ATP13A4: variants seen among roughly 807,000 people sequenced by gnomAD.
The protein encoded by ATP13A4 is probable cation-transporting ATPase 13A4.
In ATP13A4, 114 loss-of-function variants were observed where a neutral mutation model predicts 142.5. The ratio of observed to expected loss-of-function variants is 0.80; its 90% CI spans 0.69 to 0.93. The LOEUF is 0.93. Ranked by LOEUF, ATP13A4 falls within the 40% of genes least tolerant of loss-of-function variation. The pLI, the probability that ATP13A4 is intolerant of heterozygous loss-of-function variation, is 0.00. For missense variants in ATP13A4, 1,392 were observed against 1,454.0 expected (o/e 0.96, Z 0.69); for synonymous variants, 488 against 514.8 (o/e 0.95, Z 0.70).
chr3:193,426,629 G>C (rs1191838672), intron 25 of ATP13A4, among the ~76,000 whole-genome samples: 4 of 151,980 alleles, frequency 2.6e-5, no homozygotes, highest in African/African-American at 9.6e-5. Flanking sequence ...AACCAGTTCG[G>C]TGCTAACATG....
At chr3:193,462,989 A>G (rs1235603996) in intron 12 of ATP13A4, among the ~76,000 whole-genome samples, 166 bp from the exon 13 acceptor site, 1 of 152,136 alleles carries the variant, frequency 6.6e-6, no homozygotes, top group Non-Finnish European at 1.5e-5. Context: ...TATTTTAAAA[A>G]AAAAAAAATC....
intron 5 of ATP13A4, among the ~76,000 whole-genome samples, chr3:193,492,573 T>C (rs1720000337): frequency 1.3e-5 from 2 of 152,156 alleles, no homozygotes; most frequent in Admixed American, 1.3e-4. Flanking sequence ...AAACTTTGTA[T>C]GGAGTAGAAA....
chr3:193,553,862 C>T (rs891740675), intron 1 of ATP13A4: 3 of 152,126 alleles, frequency 2.0e-5, no homozygotes, highest in African/African-American at 7.2e-5. Flanking sequence ...AAGTAAATAT[C>T]TTTCAGGTTT....
chr3:193,565,079 A>C (rs1449723641), intron 2 of ATP13A4, among the ~76,000 whole-genome samples: 1 of 152,176 alleles, frequency 6.6e-6, no homozygotes, highest in East Asian at 1.9e-4. Context: ...ATTTCATTAT[A>C]TATTACAATG....
chr3:193,493,275 A>T (rs1206696552), intron 3 of ATP13A4, 115 bp from the exon 4 acceptor site: 8 of 860,528 alleles, frequency 9.3e-6, no homozygotes, highest in Non-Finnish European at 1.5e-5. Flanking sequence ...TAACATACTT[A>T]TTTAAGATTT....
chr3:193,461,237 A>G lies in ATP13A4; in HGVS notation c.1523+1525T>C, dbSNP rs899766139. Among the ~76,000 whole-genome samples, 12 of 151,462 alleles carry G rather than the reference A, an allele frequency of 7.9e-5. No individual in the cohort carries two copies. In the East Asian group the frequency reaches 2.1e-3, roughly 27 times the overall value. On this transcript the variant is annotated intron_variant, in intron 13 of 29. Coordinates refer to ENST00000342695, the MANE Select transcript of ATP13A4 (RefSeq NM_032279.4). Reference sequence around the variant, plus strand: ...TGAATAGTTTGGTGTCAATGGAATAAGAAGAACATTCAAAAGACAGAACAT... The same window carrying G: ...TGAATAGTTTGGTGTCAATGGAATAGGAAGAACATTCAAAAGACAGAACAT...
chr3:193,494,412 A>T (rs185861268), intron 3 of ATP13A4, among the ~76,000 whole-genome samples: 9 of 152,180 alleles, frequency 5.9e-5, no homozygotes, highest in Non-Finnish European at 1.2e-4. Flanking sequence ...TTAAAATCAT[A>T]TCAAGTATTT....
chr3:193,498,012 G>A (rs1224683720), intron 3 of ATP13A4, among the ~76,000 whole-genome samples: 1 of 152,114 alleles, frequency 6.6e-6, no homozygotes, highest in African/African-American at 2.4e-5. Flanking sequence ...GCAGAGCAGG[G>A]TGACTATGTT....
rs71179308 is a variant in ATP13A4 at position 193,541,248 on chromosome 3, C to CAAAAAAAAAAAAA, written c.60+13479_60+13491dup. On this transcript the variant is annotated intron_variant, in intron 1 of 29. Transcript: ENST00000342695. ...TGGGCGACAGAGCGAGACTCCTTCT[C>CAAAAAAAAAAAAA]AAAAAAAAAAAAAAAAAAAAAATCA... Among the ~76,000 whole-genome samples the CAAAAAAAAAAAAA allele has an allele frequency of 7.0e-4, 36 of 51,274 alleles. 2 individuals carry two copies. Among genetic ancestry groups the CAAAAAAAAAAAAA allele is most frequent in the Admixed American group, 1.2e-3 (6 of 4,832 alleles). The allele number at this position is 51,274 out of a possible 152,430, so 33.6% of individuals were successfully genotyped here. A position where few individuals can be genotyped will look rare whatever the true frequency, so the allele number is the denominator to read the frequency against.
intron 1 of ATP13A4, among the ~76,000 whole-genome samples, chr3:193,587,803 A>C (rs1369226298): frequency 1.3e-5 from 2 of 152,166 alleles, no homozygotes; most frequent in East Asian, 3.9e-4. Flanking sequence ...CATAATATAC[A>C]AAAAGTATAA....
chr3:193,527,836 G>A (rs1722097781), intron 1 of ATP13A4, among the ~76,000 whole-genome samples: 2 of 152,088 alleles, frequency 1.3e-5, no homozygotes, highest in African/African-American at 4.8e-5. Flanking sequence ...CCCTGTCTGG[G>A]CCTGTTTGTC....
intron 2 of ATP13A4, among the ~76,000 whole-genome samples, chr3:193,566,001 C>T (rs763545666): frequency 1.9e-4 from 29 of 152,052 alleles, no homozygotes; most frequent in Non-Finnish European, 3.5e-4. Flanking sequence ...TAATGCCAGG[C>T]CATGAGACTA....
upstream of ATP13A4, chr3:193,555,212 G>T: frequency 3.2e-6 from 1 of 308,086 alleles, no homozygotes; most frequent in South Asian, 3.2e-5. Context: ...TGAGGAGCGG[G>T]TGCAAGAACT....
chr3:193,556,380 T>C (rs1210974040), upstream of ATP13A4, among the ~76,000 whole-genome samples: 1 of 152,180 alleles, frequency 6.6e-6, no homozygotes, highest in Non-Finnish European at 1.5e-5. Flanking sequence ...TGTGTGTATA[T>C]GTTGTATGTG....
At position 193,426,320 on chromosome 3, in the gene ATP13A4, T is replaced by C. The variant is rs538228723; in HGVS notation, c.2842+7525A>G. Among the ~76,000 whole-genome samples, 184 of 151,784 alleles carry C rather than the reference T, an allele frequency of 1.2e-3. 2 individuals are homozygous for C. The highest frequency in any genetic ancestry group is 4.2e-3 in the African/African-American group (175 of 41,490). On this transcript the variant is annotated intron_variant, in intron 25 of 29. Transcript: ENST00000342695. ...CCAAGAAAGAGAAAGGCTTCCACAC[T>C]GAAAACTACAAAACTTTGTTGAAAG...
intron 3 of ATP13A4, among the ~76,000 whole-genome samples, chr3:193,500,100 T>C (rs1474000824): frequency 1.3e-5 from 2 of 152,194 alleles, no homozygotes; most frequent in Non-Finnish European, 2.9e-5. Context: ...GGTAAGAGGA[T>C]GTTAAGTACA....
At chr3:193,528,425 C>T (rs1426117933) in intron 1 of ATP13A4, among the ~76,000 whole-genome samples, 1 of 151,940 alleles carries the variant, frequency 6.6e-6, no homozygotes, top group Non-Finnish European at 1.5e-5. Context: ...TTTTGACTGA[C>T]AGAAAAGGGG....
At chr3:193,444,647 A>G (rs1716836194) in intron 18 of ATP13A4, among the ~76,000 whole-genome samples, 1 of 152,218 alleles carries the variant, frequency 6.6e-6, no homozygotes, top group African/African-American at 2.4e-5. Flanking sequence ...CATAGTTATG[A>G]CGATAATAAC....
intron 9 of ATP13A4, among the ~76,000 whole-genome samples, chr3:193,468,166 T>A (rs543225238): frequency 6.5e-4 from 98 of 150,108 alleles, no homozygotes; most frequent in African/African-American, 2.4e-3. Context: ...GCAACAAGAG[T>A]GAAACTCCAT....
Sources: gnomAD v4.1 joint callset for allele counts (sites outside exome capture counted in the v4.1 genomes callset) on GRCh38, gnomAD v4.1.1 for gene constraint, MANE v1.5 for transcripts, NCBI Gene and HGNC (gene_info 2026-07-23, HGNC 2026-07-21) for gene names.